Variants in ZNF85 observed in about 807,000 individuals in gnomAD.
ZNF85 encodes the protein zinc finger protein 85 (HPF4, HTF1).
A neutral mutation model predicts 53.9 loss-of-function variants in ZNF85; 50 were observed. The ratio of observed to expected loss-of-function variants is 0.93; its 90% CI spans 0.74 to 1.17. ZNF85 has a LOEUF of 1.17. Ranked by LOEUF, ZNF85 falls within the 50% of genes most tolerant of loss-of-function variation. The pLI, the probability that ZNF85 is intolerant of heterozygous loss-of-function variation, is 0.00. For missense variants in ZNF85, 747 were observed against 688.5 expected, an observed-to-expected ratio of 1.08 and a Z score of -0.95; for synonymous variants, 225 against 226.1, an observed-to-expected ratio of 1.00 and a Z score of 0.04.
At chr19:20,937,526 G>A (rs1004184727) in intron 3 of ZNF85, among the ~76,000 whole-genome samples, 1 of 152,120 alleles carries the variant, frequency 6.6e-6, no homozygotes, top group Non-Finnish European at 1.5e-5. Context: ...TTTATTTTTG[G>A]ACAAACTGAA....
chr19:20,929,412 C>T (rs913775640), intron 1 of ZNF85, among the ~76,000 whole-genome samples: 2 of 152,050 alleles, frequency 1.3e-5, no homozygotes, highest in African/African-American at 4.8e-5. Context: ...TGGTCTCAAA[C>T]TCCTGACCTT....
At chr19:20,925,905 A>C (rs12972234) in intron 1 of ZNF85, among the ~76,000 whole-genome samples, 29,902 of 152,206 alleles carry the variant, frequency 0.2, 3,381 homozygotes, top group Non-Finnish European at 0.25. Context: ...AAGGCACAAA[A>C]ATATTTGCAC....
chr19:20,937,705 A>G lies in ZNF85; in HGVS notation c.229+2658A>G, dbSNP rs187569094. 3.1e-4 allele frequency among the ~76,000 whole-genome samples: 47 copies of G among 152,282 alleles called. 1 individual carries two copies. Among genetic ancestry groups the G allele is most frequent in the East Asian group, 1.9e-3 (10 of 5,172 alleles). ...GGTTTCTGTGTAGGCAGAACTGGCCATAAACTGTGGCTTAGGGAGCTGGAA... is the reference window on the plus strand; with the variant it reads ...GGTTTCTGTGTAGGCAGAACTGGCCGTAAACTGTGGCTTAGGGAGCTGGAA... On this transcript the variant is annotated intron_variant, in intron 3 of 3. Coordinates refer to ENST00000328178, the MANE Select transcript of ZNF85 (RefSeq NM_003429.5).
chr19:20,932,694 A>T (rs1973051437), intron 1 of ZNF85, among the ~76,000 whole-genome samples: 1 of 152,190 alleles, frequency 6.6e-6, no homozygotes, highest in African/African-American at 2.4e-5. Flanking sequence ...CTAAAAAAAA[A>T]ATTATCAGGA....
At chr19:20,930,385 A>C (rs1391394682) in intron 1 of ZNF85, among the ~76,000 whole-genome samples, 1 of 151,792 alleles carries the variant, frequency 6.6e-6, no homozygotes, top group Non-Finnish European at 1.5e-5. Context: ...ACAGTAAAAA[A>C]CTTCTCTAAA....
intron 3 of ZNF85, among the ~76,000 whole-genome samples, chr19:20,939,454 C>T (rs113084047): frequency 0.012 from 1,808 of 152,078 alleles, 34 homozygotes; most frequent in African/African-American, 0.034. Context: ...GGGGTTTCAC[C>T]ATATTGGCCA....
At chr19:20,936,540 C>G (rs561396496) in intron 3 of ZNF85, 14 of 152,630 alleles carry the variant, frequency 9.2e-5, no homozygotes, top group African/African-American at 3.4e-4. Flanking sequence ...TGTCCGGTTT[C>G]CATTGGCTAC....
At chr19:20,923,516 C>T (rs73003496) in intron 1 of ZNF85, 113 bp downstream of exon 1, 193,460 of 1,558,414 alleles carry the variant, frequency 0.12, 12,678 homozygotes, top group Non-Finnish European at 0.14. Flanking sequence ...ATCTGCGCTC[C>T]AGTTCTTTTT....
chr19:20,934,260 C>A, intron 2 of ZNF85, 110 bp downstream of exon 2: 1 of 1,395,174 alleles, frequency 7.2e-7, no homozygotes, highest in Non-Finnish European at 9.7e-7. Flanking sequence ...AGTTTCAGAT[C>A]CCTGTTTTCA....
chr19:20,942,870 G>T lies in ZNF85; in HGVS notation c.230-5874G>T, dbSNP rs571960132. 3.6e-5 allele frequency: 25 copies of T among 695,062 alleles called. 2 individuals are homozygous for T. In the South Asian group the frequency reaches 3.8e-4, roughly 10 times the overall value. The allele number at this position is 695,062 out of a possible 1,614,324, so 43.1% of individuals were successfully genotyped here. On this transcript the variant is annotated intron_variant, in intron 3 of 3. Transcript: ENST00000328178. ...GGCCCACTGCAGCCTCAACCTTCTG[G>T]GGTCAAGTGATTGTTCCACCTCAGC...
chr19:20,948,606 A>G (rs1973477879), intron 3 of ZNF85, 138 bp from the exon 4 acceptor site: 1 of 605,898 alleles, frequency 1.7e-6, no homozygotes, highest in Non-Finnish European at 2.8e-6. Flanking sequence ...TTAAATGTCT[A>G]TGAAGGATTT....
chr19:20,948,153 T>C (rs1245448987), intron 3 of ZNF85, among the ~76,000 whole-genome samples: 1 of 152,072 alleles, frequency 6.6e-6, no homozygotes, highest in Non-Finnish European at 1.5e-5. Flanking sequence ...ATGTTTTAGG[T>C]CTTTTTTAGT....
At chr19:20,932,976 C>T (rs980014631) in intron 1 of ZNF85, among the ~76,000 whole-genome samples, 1 of 150,478 alleles carries the variant, frequency 6.6e-6, no homozygotes, top group Non-Finnish European at 1.5e-5. Context: ...ATCACAAGGT[C>T]AGGAGATCTA....
intron 3 of ZNF85, among the ~76,000 whole-genome samples, chr19:20,939,775 G>C (rs113944412): frequency 0.012 from 1,817 of 152,030 alleles, 34 homozygotes; most frequent in African/African-American, 0.035. Flanking sequence ...TCAGCTCACC[G>C]CAACCTCTGC....
intron 1 of ZNF85, among the ~76,000 whole-genome samples, chr19:20,926,606 G>A (rs1972885124): frequency 6.6e-6 from 1 of 152,098 alleles, no homozygotes; most frequent in Admixed American, 6.5e-5. Context: ...ATTATTAAAG[G>A]CCCAGTTAGT....
chr19:20,948,716 A>C (rs751063751), intron 3 of ZNF85, 28 bp from the exon 4 acceptor site: 1 of 1,452,290 alleles, frequency 6.9e-7, no homozygotes, highest in Non-Finnish European at 9.3e-7. Context: ...TAGCAAGTGG[A>C]GTAATTTGTC....
At chr19:20,941,175 T>C (rs1448290369) in intron 3 of ZNF85, among the ~76,000 whole-genome samples, 1 of 152,204 alleles carries the variant, frequency 6.6e-6, no homozygotes, top group South Asian at 2.1e-4. Context: ...TTATATTTTA[T>C]AGTGGCCATT....
At chr19:20,948,625 T>C (rs1369136005) in intron 3 of ZNF85, 119 bp from the exon 4 acceptor site, 2 of 722,458 alleles carry the variant, frequency 2.8e-6, no homozygotes, top group Admixed American at 2.8e-5. Context: ...TTAGGGCCTA[T>C]GGTATTTTGC....
At position 20,949,990 on chromosome 19, in the gene ZNF85, A is replaced by G. The variant is rs1252152432; in HGVS notation, c.1476A>G (p.Lys492=). The G allele has an allele frequency of 2.5e-6, 4 of 1,612,484 alleles. No homozygotes were observed. The highest frequency in any genetic ancestry group is 1.7e-5 in the Admixed American group (1 of 59,922). ...GTGAAGAATGTGGCAAAGGTTTTAA[A>G]TGGCCCTCAACCCTTACTATCCATA... The part of the protein sequence containing the change: ...YKCEECGKGF[K]WPSTLTIHKI... The change falls in exon 4 of 4, where the codon AAA becomes AAG. Residue 492 remains lysine, a synonymous_variant. Transcript: ENST00000328178.
Sources: gnomAD v4.1 joint callset for allele counts (sites outside exome capture counted in the v4.1 genomes callset) on GRCh38, gnomAD v4.1.1 for gene constraint, MANE v1.5 for transcripts, NCBI Gene and HGNC (gene_info 2026-07-23, HGNC 2026-07-21) for gene names.